Variants in OPCML observed in about 807,000 individuals in gnomAD.
OPCML encodes the protein opioid-binding protein/cell adhesion molecule.
OPCML carries 13 observed loss-of-function variants against 37.8 expected under a neutral mutation model. That is an observed-to-expected ratio of 0.34 (90% CI 0.22 to 0.55). The LOEUF (loss-of-function observed/expected upper bound fraction) is 0.55, where lower values mean the gene tolerates loss of function less well. Among genes scored for constraint, OPCML ranks in the 20% least tolerant of loss-of-function variants. The probability of loss-of-function intolerance (pLI) is 0.91; values close to 1 mark genes in which losing one functional copy is unlikely to be tolerated. For synonymous variants in OPCML, 176 were observed against 168.8 expected, an observed-to-expected ratio of 1.04 and a Z score of -0.33; for missense variants, 341 against 435.6, an observed-to-expected ratio of 0.78 and a Z score of 1.93.
At chr11:132,898,281 TG>T (rs1346467964) in intron 2 of OPCML, among the ~76,000 whole-genome samples, 1 of 152,236 alleles carries the variant, frequency 6.6e-6, no homozygotes, top group African/African-American at 2.4e-5. Context: ...TTGTCCTTTC[TG>T]GAATAGACAT....
chr11:133,532,351 CG>C lies in OPCML; in HGVS notation c.-28del, dbSNP rs1453479579. 6.2e-7 allele frequency: 1 copy of C among 1,609,922 alleles called. No individual in the cohort carries two copies. Among genetic ancestry groups the C allele is most frequent in the Non-Finnish European group, 8.5e-7 (1 of 1,178,286 alleles). On this transcript the variant is annotated 5_prime_UTR_variant, in exon 1 of 8. Coordinates refer to ENST00000524381, the MANE Select transcript of OPCML (RefSeq NM_001012393.5). ...TCGACGCTGCGGTGCTCTCAGCTGC[CG>C]GGCTTGCTACTGCTTCTGCTGCTGC...
intron 2 of OPCML, among the ~76,000 whole-genome samples, chr11:132,748,843 G>A (rs1285627512): frequency 6.6e-6 from 1 of 152,202 alleles, no homozygotes; most frequent in Admixed American, 6.5e-5. Context: ...TCAGGAGAGA[G>A]ACTGTGTGAA....
chr11:133,090,853 G>C (rs1007566909), intron 1 of OPCML, among the ~76,000 whole-genome samples: 1 of 152,226 alleles, frequency 6.6e-6, no homozygotes, highest in Non-Finnish European at 1.5e-5. Context: ...AGAATACCCA[G>C]AGTATGGCCA....
At chr11:133,089,525 T>A (rs1565441564) in intron 1 of OPCML, among the ~76,000 whole-genome samples, 1 of 152,202 alleles carries the variant, frequency 6.6e-6, no homozygotes, top group Non-Finnish European at 1.5e-5. Flanking sequence ...AGCAACATAC[T>A]CTGTGCTAAA....
At chr11:133,424,320 T>C (rs1266705267) in intron 1 of OPCML, among the ~76,000 whole-genome samples, 22 of 152,214 alleles carry the variant, frequency 1.4e-4, no homozygotes, top group Admixed American at 3.3e-4. Context: ...CTTTCAATCA[T>C]TGTATTATTA....
At chr11:132,687,411 T>TACATATACATATATAC (rs1943210989) in intron 2 of OPCML, among the ~76,000 whole-genome samples, 1 of 96,618 alleles carries the variant, frequency 1.0e-5, no homozygotes, top group African/African-American at 6.1e-5. Flanking sequence ...TATATATATA[T>TACATATACATATATAC]ATATATATAT....
At chr11:133,387,931 C>T (rs1040125698) in intron 1 of OPCML, among the ~76,000 whole-genome samples, 1 of 152,102 alleles carries the variant, frequency 6.6e-6, no homozygotes, top group Non-Finnish European at 1.5e-5. Flanking sequence ...AGAACCTTTT[C>T]CAGGGAGAGG....
chr11:133,218,058 CCAAGCAAA>C lies in OPCML; in HGVS notation c.62-275056_62-275049del, dbSNP rs1273748652. 2.7e-5 allele frequency among the ~76,000 whole-genome samples: 4 copies of C among 146,926 alleles called. 1 individual carries two copies. The highest frequency in any genetic ancestry group is 6.0e-5 in the Non-Finnish European group (4 of 66,640). On this transcript the variant is annotated intron_variant, in intron 1 of 7. Transcript: ENST00000524381. ...CATACCCTGTCTCAAAAAAAAAAACCCAAGCAAACAAAAAAAGAAGTCTTGCTGAACCT... is the reference window on the plus strand; with the variant it reads ...CATACCCTGTCTCAAAAAAAAAAACCCAAAAAAAGAAGTCTTGCTGAACCT...
chr11:133,004,394 G>A (rs1294367905), intron 1 of OPCML: 1 of 985,344 alleles, frequency 1.0e-6, no homozygotes, highest in Non-Finnish European at 1.2e-6. Context: ...GAGGAAGTTG[G>A]AATCGTGTCT....
chr11:132,420,529 G>A, intron 7 of OPCML: 4 of 361,636 alleles, frequency 1.1e-5, no homozygotes, highest in Admixed American at 6.5e-5. Flanking sequence ...AAGTAAATAG[G>A]TGAAGCTCAG....
chr11:132,427,603 G>A (rs1472763386), intron 7 of OPCML, among the ~76,000 whole-genome samples: 1 of 152,162 alleles, frequency 6.6e-6, no homozygotes, highest in East Asian at 1.9e-4. Flanking sequence ...ACCCTGTTTT[G>A]TGCTTACTAC....
At chr11:133,474,123 C>T (rs1175435851) in intron 1 of OPCML, among the ~76,000 whole-genome samples, 1 of 152,132 alleles carries the variant, frequency 6.6e-6, no homozygotes, top group Non-Finnish European at 1.5e-5. Context: ...AGTAAATTAG[C>T]TTAAGTCTTG....
At chr11:132,619,537 T>C (rs934891613) in intron 3 of OPCML, among the ~76,000 whole-genome samples, 1 of 151,980 alleles carries the variant, frequency 6.6e-6, no homozygotes, top group African/African-American at 2.4e-5. Context: ...CATGAAAGCA[T>C]TGGTAAAATT....
chr11:132,898,099 C>T (rs922779544), intron 2 of OPCML, among the ~76,000 whole-genome samples: 1 of 152,136 alleles, frequency 6.6e-6, no homozygotes, highest in Admixed American at 6.5e-5. Flanking sequence ...AGCAGCATGG[C>T]TTCTACTCAC....
chr11:133,193,305 G>T (rs1459709577), intron 1 of OPCML, among the ~76,000 whole-genome samples: 2 of 152,142 alleles, frequency 1.3e-5, no homozygotes, highest in African/African-American at 4.8e-5. Context: ...AGAAATCCAA[G>T]GAGTGAGTAA....
chr11:133,292,933 A>G (rs1366169941), intron 1 of OPCML, among the ~76,000 whole-genome samples: 2 of 152,108 alleles, frequency 1.3e-5, no homozygotes, highest in African/African-American at 2.4e-5. Context: ...GAGGTGTGAT[A>G]TGCTTTTGAG....
In OPCML at chr11:133,037,898, C is replaced by G. The variant is rs1947810457; in HGVS notation, c.62-94888G>C. Among the ~76,000 whole-genome samples, 5 of 152,246 alleles carry G rather than the reference C, an allele frequency of 3.3e-5. No individual in the cohort carries two copies. In the South Asian group the frequency reaches 8.3e-4, roughly 25 times the overall value. On this transcript the variant is annotated intron_variant, in intron 1 of 7. Transcript: ENST00000524381. ...TGACCCTAACTGAGCGTCTCTCACACTCTTGCCCCTTCTGGCTGTTTGGAG... is the reference window on the plus strand; with the variant it reads ...TGACCCTAACTGAGCGTCTCTCACAGTCTTGCCCCTTCTGGCTGTTTGGAG...
intron 4 of OPCML, among the ~76,000 whole-genome samples, chr11:132,527,847 T>C (rs114499718): frequency 7.6e-4 from 116 of 152,312 alleles, no homozygotes; most frequent in Middle Eastern, 3.4e-3. Flanking sequence ...ATATTATGGC[T>C]TATATCCTTA....
At chr11:132,421,063 T>A (rs1425548093) in intron 7 of OPCML, among the ~76,000 whole-genome samples, 2 of 151,964 alleles carry the variant, frequency 1.3e-5, no homozygotes, top group Admixed American at 6.6e-5. Context: ...AAGTCCACAG[T>A]ATCATGAGTG....
Sources: allele counts gnomAD v4.1 joint callset (sites outside exome capture counted in the v4.1 genomes callset), GRCh38; gene constraint gnomAD v4.1.1; transcripts MANE v1.5; gene names NCBI Gene and HGNC (gene_info 2026-07-23, HGNC 2026-07-21).